The following UTS2 variants were observed in gnomAD, a reference collection of about 807,000 sequenced individuals.
UTS2 encodes urotensin 2.
In UTS2, 10 loss-of-function variants were observed where a neutral mutation model predicts 12.6. That is an observed-to-expected ratio of 0.80 (90% CI 0.49 to 1.35). The LOEUF is 1.35. Ranked by LOEUF, UTS2 falls within the 40% of genes most tolerant of loss-of-function variation. The pLI is 0.00. For missense variants in UTS2, 142 were observed against 143.2 expected, an observed-to-expected ratio of 0.99 and a Z score of 0.04; for synonymous variants, 52 against 50.0, an observed-to-expected ratio of 1.04 and a Z score of -0.17.
upstream of UTS2, among the ~76,000 whole-genome samples, chr1:7,858,102 G>A (rs1320575059): frequency 6.6e-6 from 1 of 152,086 alleles, no homozygotes; most frequent in Admixed American, 6.6e-5. Flanking sequence ...GTGACTCAGG[G>A]GGTACTTCTG....
At chr1:7,874,705 T>C in the UTS2 span, among the ~76,000 whole-genome samples, 1 of 152,230 alleles carries the variant, frequency 6.6e-6, no homozygotes, top group African/African-American at 2.4e-5. Flanking sequence ...TGATATGGTT[T>C]GGCTGTGTCC....
upstream of UTS2, among the ~76,000 whole-genome samples, chr1:7,854,313 C>T (rs560218613): frequency 9.3e-5 from 14 of 150,540 alleles, no homozygotes; most frequent in Non-Finnish European, 1.6e-4. Flanking sequence ...CACAGCAGTC[C>T]AGCCTGGGTG....
the UTS2 span, among the ~76,000 whole-genome samples, chr1:7,908,032 T>TG: frequency 1 from 152,079 of 152,084 alleles, 76,037 homozygotes; most frequent in Non-Finnish European, 1. Context: ...CCAGGAATGG[T>TG]GCTCATGCTG....
chr1:7,849,003 C>T (rs1241324704), intron 3 of UTS2, among the ~76,000 whole-genome samples: 1 of 152,154 alleles, frequency 6.6e-6, no homozygotes, highest in African/African-American at 2.4e-5. Context: ...CAGGTGCTCC[C>T]GGTGCTGCTG....
the UTS2 span, among the ~76,000 whole-genome samples, chr1:7,872,230 G>T: frequency 6.9e-6 from 1 of 144,288 alleles, no homozygotes; most frequent in African/African-American, 2.6e-5. Flanking sequence ...AACCCAGGAG[G>T]CGGAGGTTGC....
the UTS2 span, among the ~76,000 whole-genome samples, chr1:7,872,495 C>T: frequency 6.6e-6 from 1 of 152,026 alleles, no homozygotes; most frequent in Non-Finnish European, 1.5e-5. Flanking sequence ...AATGATAAAG[C>T]AAAACAGCCT....
upstream of UTS2, chr1:7,853,523 A>G (rs1044044237): frequency 1.3e-6 from 2 of 1,506,802 alleles, no homozygotes; most frequent in African/African-American, 2.8e-5. Context: ...TTAAAACGTA[A>G]AACCAGCTAT....
At chr1:7,892,059 G>A in the UTS2 span, among the ~76,000 whole-genome samples, 8 of 152,294 alleles carry the variant, frequency 5.3e-5, no homozygotes, top group African/African-American at 1.2e-4. Flanking sequence ...ACCGGCCAGC[G>A]GCCTCCCTGG....
chr1:7,888,096 C>T, the UTS2 span, among the ~76,000 whole-genome samples: 1 of 152,210 alleles, frequency 6.6e-6, no homozygotes, highest in East Asian at 1.9e-4. Flanking sequence ...TTGCTTCTCT[C>T]CATCAAGTGA....
At chr1:7,848,044 C>T (rs1232866510) in intron 3 of UTS2, among the ~76,000 whole-genome samples, 162 bp from the exon 4 acceptor site, 2 of 152,150 alleles carry the variant, frequency 1.3e-5, no homozygotes, top group African/African-American at 2.4e-5. Context: ...TGTCCCGGGC[C>T]CGTGGGGCTC....
chr1:7,863,035 ATTGT>A, the UTS2 span, among the ~76,000 whole-genome samples: 3 of 28,478 alleles, frequency 1.1e-4, no homozygotes, highest in African/African-American at 2.1e-4. Context: ...ATTGTATTGT[ATTGT>A]ATTGTATTGT....
the UTS2 span, among the ~76,000 whole-genome samples, chr1:7,865,935 A>C: frequency 6.6e-6 from 1 of 152,204 alleles, no homozygotes; most frequent in East Asian, 1.9e-4. Flanking sequence ...ACCCCGTCTC[A>C]AATAAACAAA....
Position 7,847,770 on chromosome 1 carries a change from A to G in UTS2, c.371T>C (p.Val124Ala), listed in dbSNP as rs1433755378. The change falls in exon 4 of 4, where the codon GTC becomes GCC. Residue 124 changes from valine (V) to alanine (A), a missense_variant. Transcript: ENST00000361696. ...ETPDCFWKYC[V>A] ...CTAACAGATGCTTATTTCACTTCAG[A>G]CACAGTATTTCCAGAAGCAATCAGG... 10 of 1,609,582 alleles carry G rather than the reference A, an allele frequency of 6.2e-6. No individual in the cohort carries two copies. The East Asian group carries it at 1.8e-4, about 29-fold the overall frequency.
At chr1:7,886,534 G>A in the UTS2 span, among the ~76,000 whole-genome samples, 26 of 152,218 alleles carry the variant, frequency 1.7e-4, no homozygotes, top group East Asian at 4.1e-3. Context: ...TTACGGGAGC[G>A]GGTTCTGCCA....
At chr1:7,862,053 C>T in the UTS2 span, among the ~76,000 whole-genome samples, 1 of 151,882 alleles carries the variant, frequency 6.6e-6, no homozygotes, top group African/African-American at 2.4e-5. Flanking sequence ...GCTGGGATTA[C>T]AGGGGCTGCC....
chr1:7,847,704 G>A lies in UTS2; in HGVS notation c.*62C>T. 4.7e-6 allele frequency: 6 copies of A among 1,287,022 alleles called. No individual in the cohort carries two copies. In the Admixed American group the frequency reaches 1.1e-4, roughly 24 times the overall value. 79.7% of individuals were successfully genotyped at this position (1,287,022 alleles called of 1,614,324 possible). ...CCACACTGTTTTCAAATCAAGCATTGTGTTATTTTTCATATTCTAAGATGG... is the reference window on the plus strand; with the variant it reads ...CCACACTGTTTTCAAATCAAGCATTATGTTATTTTTCATATTCTAAGATGG... On this transcript the variant is annotated 3_prime_UTR_variant, in exon 4 of 4. Coordinates refer to ENST00000361696, the MANE Select transcript of UTS2 (RefSeq NM_006786.4).
chr1:7,869,999 T>TG, the UTS2 span, among the ~76,000 whole-genome samples: 1 of 152,174 alleles, frequency 6.6e-6, no homozygotes, highest in Non-Finnish European at 1.5e-5. Context: ...GATGGTTCAG[T>TG]GGGGAGAATG....
the UTS2 span, among the ~76,000 whole-genome samples, chr1:7,909,968 C>T: frequency 6.6e-6 from 1 of 152,156 alleles, no homozygotes; most frequent in Non-Finnish European, 1.5e-5. Context: ...TTTTCATCTG[C>T]AAAGCATATG....
At chr1:7,898,842 G>C in the UTS2 span, among the ~76,000 whole-genome samples, 10 of 152,068 alleles carry the variant, frequency 6.6e-5, no homozygotes, top group Non-Finnish European at 1.5e-4. Context: ...GCCCTGATTT[G>C]GGTTCAAGCC....
Sources: allele counts gnomAD v4.1 joint callset (sites outside exome capture counted in the v4.1 genomes callset), GRCh38; gene constraint gnomAD v4.1.1; transcripts MANE v1.5; gene names NCBI Gene and HGNC (gene_info 2026-07-23, HGNC 2026-07-21).